KMT2C: variants seen among roughly 807,000 people sequenced by gnomAD.
KMT2C encodes the protein lysine methyltransferase 2C.
Under a neutral mutation model 507.9 loss-of-function variants are expected in KMT2C, and 88 were observed. The observed-to-expected ratio is 0.17, with a 90% CI of 0.15 to 0.21. The LOEUF is 0.21. KMT2C is among the 10% of genes least tolerant of loss of function. KMT2C has a pLI of 1.00. For synonymous variants in KMT2C, 2,049 were observed against 2,080.8 expected (o/e 0.98, Z 0.42); for missense variants, 4,954 against 5,957.8 (o/e 0.83, Z 5.55).
intron 6 of KMT2C, among the ~76,000 whole-genome samples, chr7:152,292,312 G>C (rs1231914664): frequency 2.0e-5 from 3 of 152,116 alleles, no homozygotes; most frequent in Non-Finnish European, 2.9e-5. Context: ...TAAGATGCCA[G>C]GGCAATATGT....
intron 1 of KMT2C, among the ~76,000 whole-genome samples, chr7:152,390,928 C>T (rs961353978): frequency 2.6e-5 from 4 of 151,726 alleles, no homozygotes; most frequent in South Asian, 4.2e-4. Context: ...AGATGGATCA[C>T]GAGGTCAGGA....
rs1352391552 is a variant in KMT2C at position 152,237,707 on chromosome 7, G to C, written c.2652+1000C>G. Among the ~76,000 whole-genome samples, 16 of 151,944 alleles carry C rather than the reference G, an allele frequency of 1.1e-4. No homozygotes were observed. The East Asian group carries it at 3.1e-3, about 29-fold the overall frequency. The stretch of plus-strand genomic sequence containing the variant: ...GTAGAGACAGGGTTTCACCATGTTG[G>C]CCAGGTTGGCCTCGAACTCCTGACC... On this transcript the variant is annotated intron_variant, in intron 15 of 58. Transcript: ENST00000262189.
At chr7:152,374,716 T>C (rs892885578) in intron 1 of KMT2C, among the ~76,000 whole-genome samples, 1 of 151,718 alleles carries the variant, frequency 6.6e-6, no homozygotes, top group African/African-American at 2.4e-5. Flanking sequence ...CTGGCCAATA[T>C]GGTGAAACTC....
At chr7:152,225,612 G>A (rs189647455) in intron 18 of KMT2C, among the ~76,000 whole-genome samples, 10 of 152,200 alleles carry the variant, frequency 6.6e-5, no homozygotes, top group South Asian at 4.1e-4. Flanking sequence ...AGAGATATGC[G>A]GAACAGAATG....
chr7:152,135,767 A>T lies in KMT2C; in HGVS notation c.*1065T>A, dbSNP rs1391957099. 4 of 228,920 alleles carry T rather than the reference A, an allele frequency of 1.7e-5. No individual in the cohort carries two copies. Among genetic ancestry groups the T allele is most frequent in the Non-Finnish European group, 3.5e-5 (4 of 115,160 alleles). The allele number at this position is 228,920 out of a possible 1,614,324, so 14.2% of individuals were successfully genotyped here. A position where few individuals can be genotyped will look rare whatever the true frequency, so the allele number is the denominator to read the frequency against. ...AGTAGGGATGCAACAATATAATATG[A>T]AAAAATTAGTTTAAATTACCAAAAC... On this transcript the variant is annotated 3_prime_UTR_variant, in exon 59 of 59. Coordinates refer to ENST00000262189, the MANE Select transcript of KMT2C (RefSeq NM_170606.3).
At chr7:152,232,359 T>C (rs1322089203) in intron 16 of KMT2C, among the ~76,000 whole-genome samples, 1 of 152,224 alleles carries the variant, frequency 6.6e-6, no homozygotes, top group African/African-American at 2.4e-5. Context: ...TAGAAACTTG[T>C]ATAGACTGCC....
At chr7:152,239,700 C>G (rs549235397) in intron 14 of KMT2C, among the ~76,000 whole-genome samples, 133 of 152,126 alleles carry the variant, frequency 8.7e-4, no homozygotes, top group Admixed American at 1.5e-3. Flanking sequence ...GTTTACTCCA[C>G]AAAGATAACA....
intron 3 of KMT2C, among the ~76,000 whole-genome samples, chr7:152,315,637 C>A (rs1426288315): frequency 1.3e-5 from 2 of 151,992 alleles, no homozygotes; most frequent in Non-Finnish European, 2.9e-5. Context: ...GAAAAAAATC[C>A]AAGTAAGAAA....
At chr7:152,339,741 T>C (rs994595303) in intron 2 of KMT2C, among the ~76,000 whole-genome samples, 12 of 152,190 alleles carry the variant, frequency 7.9e-5, no homozygotes, top group Non-Finnish European at 1.3e-4. Context: ...AAACAGGCAC[T>C]GTATCTGTTT....
At chr7:152,147,884 G>C (rs912847296) in intron 52 of KMT2C, 149 bp downstream of exon 52, 1 of 812,450 alleles carries the variant, frequency 1.2e-6, no homozygotes, top group Non-Finnish European at 1.8e-6. Flanking sequence ...CAAGGTGTGA[G>C]AACACAAACA....
chr7:152,168,522 T>A (rs2092830770), intron 41 of KMT2C, among the ~76,000 whole-genome samples: 1 of 152,208 alleles, frequency 6.6e-6, no homozygotes, highest in Non-Finnish European at 1.5e-5. Context: ...AACAGGCTTT[T>A]TCACAAGATT....
chr7:152,259,984 G>C (rs1474998806), intron 9 of KMT2C, among the ~76,000 whole-genome samples: 1 of 150,050 alleles, frequency 6.7e-6, no homozygotes, highest in Non-Finnish European at 1.5e-5. Context: ...AAAAACTCTG[G>C]TAACTATTTC....
In KMT2C at chr7:152,180,691, A is replaced by G. The variant is rs556719774; in HGVS notation, c.7149+20T>C. On this transcript the variant is annotated intron_variant, in intron 36 of 58. Transcript: ENST00000262189. ...TCCTCAAATAATACATTTAAAACTG[A>G]GAACATACAATGTGTTTACCTGTCT... 1 of 1,542,912 alleles carries G rather than the reference A, an allele frequency of 6.5e-7. No homozygotes were observed. The highest frequency in any genetic ancestry group is 1.2e-5 in the South Asian group (1 of 84,732).
At chr7:152,313,916 G>C (rs7810349) in intron 4 of KMT2C, among the ~76,000 whole-genome samples, 16,505 of 152,030 alleles carry the variant, frequency 0.11, 2,165 homozygotes, top group African/African-American at 0.31. Context: ...TTTCTCAGGA[G>C]AGGATTTTAT....
At chr7:152,430,518 G>T (rs551581667) in intron 1 of KMT2C, among the ~76,000 whole-genome samples, 12 of 152,310 alleles carry the variant, frequency 7.9e-5, no homozygotes, top group African/African-American at 2.9e-4. Context: ...CCAGGCAAGA[G>T]TGCAGAGAGA....
chr7:152,153,918 C>A, intron 48 of KMT2C, 92 bp downstream of exon 48: 1 of 1,263,034 alleles, frequency 7.9e-7, no homozygotes, highest in Non-Finnish European at 1.1e-6. Context: ...CCTCAGTGAT[C>A]CTGTTTGTGT....
rs1563131675 is a variant in KMT2C at position 152,144,830 on chromosome 7, G to C, written c.14226C>G (p.Val4742=). Residue 4742 remains valine (V), a synonymous_variant, in exon 55 of 59, where the codon GTC becomes GTG. Transcript: ENST00000262189. The surrounding 1 kb of genome is among the most constrained non-coding windows in gnomAD (Gnocchi z 4.4). Reference sequence around the variant, plus strand: ...TATAAGGTGCGTTCAGTTCTCCAGTGACTGTGCTCTGAAATGACTTTGAGG... The same window carrying C: ...TATAAGGTGCGTTCAGTTCTCCAGTCACTGTGCTCTGAAATGACTTTGAGG... ...TSTSKSFQST[V]TGELNAPYSK... 1.2e-6 allele frequency: 2 copies of C among 1,614,010 alleles called. No homozygotes were observed. The highest frequency in any genetic ancestry group is 1.7e-6 in the Non-Finnish European group (2 of 1,179,990).
At chr7:152,251,866 C>T in intron 11 of KMT2C, 73 bp downstream of exon 11, 1 of 1,028,862 alleles carries the variant, frequency 9.7e-7, no homozygotes, top group Non-Finnish European at 1.4e-6. Flanking sequence ...CTGATTAAAG[C>T]AATATATTGG....
chr7:152,299,126 T>A (rs1448243111), intron 6 of KMT2C, among the ~76,000 whole-genome samples: 2 of 151,966 alleles, frequency 1.3e-5, no homozygotes, highest in Non-Finnish European at 2.9e-5. Context: ...GAGACCATCC[T>A]GGCCAACATG....
Sources: gnomAD v4.1 joint callset for allele counts (sites outside exome capture counted in the v4.1 genomes callset) on GRCh38, gnomAD v4.1.1 for gene constraint, Gnocchi (gnomAD v3.1) non-coding constraint, MANE v1.5 for transcripts, NCBI Gene and HGNC (gene_info 2026-07-23, HGNC 2026-07-21) for gene names.